The following IFT122 variants were observed in gnomAD, a reference collection of about 807,000 sequenced individuals.
The protein encoded by IFT122 is intraflagellar transport 122.
A neutral mutation model predicts 161.6 loss-of-function variants in IFT122; 118 were observed. The ratio of observed to expected loss-of-function variants is 0.73; its 90% CI spans 0.63 to 0.85. IFT122 has a LOEUF of 0.85. Among genes scored for constraint, IFT122 ranks in the 40% least tolerant of loss-of-function variants. The probability of loss-of-function intolerance (pLI) is 0.00; values close to 1 mark genes in which losing one functional copy is unlikely to be tolerated. For missense variants in IFT122, 1,381 were observed against 1,579.6 expected (o/e 0.87, Z 2.13); for synonymous variants, 550 against 602.4 (o/e 0.91, Z 1.27).
chr3:129,444,998 C>T (rs1189741348), intron 1 of IFT122, among the ~76,000 whole-genome samples: 1 of 152,172 alleles, frequency 6.6e-6, no homozygotes, highest in Non-Finnish European at 1.5e-5. Flanking sequence ...AGCCACATAG[C>T]ATAATGGTTA....
intron 19 of IFT122, 76 bp downstream of exon 19, chr3:129,500,144 C>A: frequency 6.6e-7 from 1 of 1,505,884 alleles, no homozygotes; most frequent in Non-Finnish European, 9.2e-7. Flanking sequence ...ACAAGGGAAC[C>A]AATAGTGCTT....
chr3:129,496,664 C>G (rs992138276), intron 18 of IFT122, among the ~76,000 whole-genome samples: 1 of 152,172 alleles, frequency 6.6e-6, no homozygotes, highest in Non-Finnish European at 1.5e-5. Context: ...TATTGTTCAT[C>G]AGGACTTGGA....
intron 9 of IFT122, among the ~76,000 whole-genome samples, chr3:129,472,323 A>T (rs1414078561): frequency 1.3e-5 from 2 of 149,740 alleles, no homozygotes; most frequent in African/African-American, 4.9e-5. Flanking sequence ...CCTGCTAATT[A>T]AAAAAAAAAA....
intron 26 of IFT122, among the ~76,000 whole-genome samples, chr3:129,516,827 CAGAG>C (rs1287969281): frequency 7.3e-6 from 1 of 136,668 alleles, no homozygotes; most frequent in Admixed American, 7.4e-5. Context: ...CACACACACA[CAGAG>C]ACTGCCCCTG....
intron 23 of IFT122, among the ~76,000 whole-genome samples, chr3:129,510,557 C>T (rs1476779329): frequency 1.3e-5 from 2 of 152,164 alleles, no homozygotes; most frequent in African/African-American, 4.8e-5. Flanking sequence ...AGTCAGGGCC[C>T]AGCTCAGCCT....
chr3:129,476,283 T>C, intron 9 of IFT122, 32 bp from the exon 10 acceptor site: 1 of 1,612,522 alleles, frequency 6.2e-7, no homozygotes, highest in Non-Finnish European at 8.5e-7. Context: ...TCGGAAATGG[T>C]TTTTCCCTTG....
At chr3:129,508,182 C>T (rs912307794) in intron 23 of IFT122, among the ~76,000 whole-genome samples, 2 of 152,246 alleles carry the variant, frequency 1.3e-5, no homozygotes, top group African/African-American at 2.4e-5. Flanking sequence ...CCCTCTCTGT[C>T]CCTCAGTTTC....
intron 8 of IFT122, 67 bp from the exon 9 acceptor site, chr3:129,469,275 G>T: frequency 7.5e-7 from 1 of 1,342,188 alleles, no homozygotes; most frequent in East Asian, 2.3e-5. Context: ...TGTTGTTTAA[G>T]CCCTTAGAGC....
chr3:129,464,716 A>G lies in IFT122; in HGVS notation c.498A>G (p.Lys166=), dbSNP rs780476179. ...ISIRNKNGEE[K]VKIERPGGSL... ...TACGGAACAAAAATGGCGAGGAGAA[A>G]GTAAAGATCGAGCGGCCGGGGGGCT... The change falls in exon 7 of 30, where the codon AAA becomes AAG. Residue 166 remains lysine (K), a synonymous_variant. Transcript: ENST00000348417. 7 of 1,611,496 alleles carry G rather than the reference A, an allele frequency of 4.3e-6. No individual in the cohort carries two copies. Among genetic ancestry groups the G allele is most frequent in the Non-Finnish European group, 5.9e-6 (7 of 1,178,504 alleles).
intron 5 of IFT122, chr3:129,463,247 G>A (rs56175050): frequency 0.15 from 44,678 of 300,806 alleles, 3,838 homozygotes; most frequent in South Asian, 0.3. Context: ...TGTGTAGATT[G>A]CCATCAGCGT....
intron 5 of IFT122, among the ~76,000 whole-genome samples, chr3:129,461,655 C>T (rs1162709651): frequency 3.9e-5 from 6 of 152,172 alleles, no homozygotes; most frequent in Non-Finnish European, 5.9e-5. Flanking sequence ...CTGGCAGAGA[C>T]AGTGCAGTTG....
intron 1 of IFT122, among the ~76,000 whole-genome samples, chr3:129,443,305 AG>A (rs992893670): frequency 5.3e-5 from 8 of 152,242 alleles, no homozygotes; most frequent in Non-Finnish European, 1.0e-4. Context: ...GGGTTGTCAG[AG>A]GACAATTTGC....
At chr3:129,462,302 A>C (rs1307671326) in intron 5 of IFT122, among the ~76,000 whole-genome samples, 1 of 152,260 alleles carries the variant, frequency 6.6e-6, no homozygotes, top group African/African-American at 2.4e-5. Flanking sequence ...GGATTAAAAA[A>C]AATATAATAT....
In IFT122 at chr3:129,517,481, T is replaced by G. The variant is rs2084124964; in HGVS notation, c.3278T>G (p.Leu1093Arg). The change falls in exon 27 of 30, where the codon CTG becomes CGG. Residue 1093 changes from leucine to arginine, a missense_variant. Leu to Arg is a moderately radical substitution (Grantham distance 102). Coordinates refer to ENST00000348417, the MANE Select transcript of IFT122 (RefSeq NM_052989.3). Reference sequence around the variant, plus strand: ...CTATGCCCTCCAGACGTGCTACACCTGGTTGAGTTCTACCTGGAGGAAGGG... The same window carrying G: ...CTATGCCCTCCAGACGTGCTACACCGGGTTGAGTTCTACCTGGAGGAAGGG... Reference protein sequence around the residue: ...FSASSYDVLHLVEFYLEEGIT... With the variant: ...FSASSYDVLHRVEFYLEEGIT... 5 of 1,613,836 alleles carry G rather than the reference T, an allele frequency of 3.1e-6. No homozygotes were observed. The highest frequency in any genetic ancestry group is 1.7e-5 in the Admixed American group (1 of 60,016).
At chr3:129,481,981 A>G (rs1459619661) in intron 14 of IFT122, among the ~76,000 whole-genome samples, 2 of 152,244 alleles carry the variant, frequency 1.3e-5, no homozygotes, top group Non-Finnish European at 2.9e-5. Flanking sequence ...ACCATGAACA[A>G]GAAATGGGGC....
rs2084605148 is a variant in IFT122 at position 129,520,352 on chromosome 3, T to C, written c.*87T>C. The C allele has an allele frequency of 9.5e-7, 1 of 1,053,636 alleles. No individual in the cohort carries two copies. Among genetic ancestry groups the C allele is most frequent in the Non-Finnish European group, 1.4e-6 (1 of 704,502 alleles). 65.3% of individuals were successfully genotyped at this position (1,053,636 alleles called of 1,614,324 possible). On this transcript the variant is annotated 3_prime_UTR_variant, in exon 30 of 30. Transcript: ENST00000348417. ...AGAATAAAGAGTTAAACTGTCAGAA[T>C]GTGTTTCTTGCCCAGATGAAGTTTG...
At chr3:129,476,166 A>G (rs369403278) in intron 9 of IFT122, 149 bp from the exon 10 acceptor site, 11 of 805,642 alleles carry the variant, frequency 1.4e-5, no homozygotes, top group Admixed American at 2.0e-5. Flanking sequence ...GCCTGTGTTC[A>G]CCATGGGATG....
At chr3:129,461,950 TG>T (rs1294146548) in intron 5 of IFT122, among the ~76,000 whole-genome samples, 1 of 152,210 alleles carries the variant, frequency 6.6e-6, no homozygotes, top group East Asian at 1.9e-4. Context: ...TGGTTGATTC[TG>T]TTTTCAGCTC....
At chr3:129,469,453 C>G (rs190813877) in intron 9 of IFT122, 36 bp downstream of exon 9, 4 of 1,473,472 alleles carry the variant, frequency 2.7e-6, no homozygotes, top group Non-Finnish European at 9.5e-7. Context: ...TGCAGTCATG[C>G]CTGTTATATT....
Sources: allele counts gnomAD v4.1 joint callset (sites outside exome capture counted in the v4.1 genomes callset), GRCh38; gene constraint gnomAD v4.1.1; transcripts MANE v1.5; gene names NCBI Gene and HGNC (gene_info 2026-07-23, HGNC 2026-07-21).